Variants in MALRD1 observed in about 807,000 individuals in gnomAD.
The protein encoded by MALRD1 is MAM and LDL receptor class A domain containing 1.
Under a neutral mutation model 242.1 loss-of-function variants are expected in MALRD1, and 247 were observed. The observed-to-expected ratio is 1.02, with a 90% CI of 0.92 to 1.13. The LOEUF is 1.13. Among genes scored for constraint, MALRD1 ranks in the 50% most tolerant of loss-of-function variants. The pLI, the probability that MALRD1 is intolerant of heterozygous loss-of-function variation, is 0.00. For synonymous variants in MALRD1, 995 were observed against 866.6 expected (o/e 1.15, Z -2.60); for missense variants, 2,989 against 2,533.1 (o/e 1.18, Z -3.86).
At chr10:19,402,452 A>G (rs775981043) in intron 28 of MALRD1, among the ~76,000 whole-genome samples, 2 of 152,080 alleles carry the variant, frequency 1.3e-5, no homozygotes, top group African/African-American at 2.4e-5. Context: ...AAATCGGAGC[A>G]CAAGCTCTCC....
At chr10:19,446,081 C>A (rs181743461) in intron 28 of MALRD1, among the ~76,000 whole-genome samples, 1 of 152,116 alleles carries the variant, frequency 6.6e-6, no homozygotes, top group Non-Finnish European at 1.5e-5. Flanking sequence ...TGGGACCCTC[C>A]GAGCCAGGCG....
chr10:19,077,547 T>C (rs1331247721), intron 2 of MALRD1, among the ~76,000 whole-genome samples: 4 of 151,980 alleles, frequency 2.6e-5, no homozygotes, highest in African/African-American at 4.8e-5. Flanking sequence ...TGAATCATCA[T>C]GTTTAGAAAA....
At chr10:19,338,136 G>A (rs1013427825) in intron 24 of MALRD1, among the ~76,000 whole-genome samples, 7 of 151,544 alleles carry the variant, frequency 4.6e-5, no homozygotes, top group Non-Finnish European at 7.4e-5. Flanking sequence ...TACAAGAGTG[G>A]TACATTTTCT....
chr10:19,384,584 C>A (rs1845991489), intron 26 of MALRD1, among the ~76,000 whole-genome samples: 1 of 118,932 alleles, frequency 8.4e-6, no homozygotes, highest in South Asian at 2.3e-4. Flanking sequence ...ATAATATTTA[C>A]TATATATTAT....
intron 38 of MALRD1, 90 bp downstream of exon 38, chr10:19,692,644 A>G: frequency 1.0e-6 from 1 of 986,022 alleles, no homozygotes; most frequent in Non-Finnish European, 1.5e-6. Flanking sequence ...CTTTCACTCC[A>G]TATTACATGC....
At position 19,054,165 on chromosome 10, in the gene MALRD1, TGTAA is replaced by T. The variant is rs1413968532; in HGVS notation, c.199+5031_199+5034del. On this transcript the variant is annotated intron_variant, in intron 1 of 39. Transcript: ENST00000454679. Reference sequence around the variant, plus strand: ...CTTTTAAGTCATATTTTTAAAAAAGTGTAAGTGTTACATTGCTTCTGTGCTGACT... The same window carrying T: ...CTTTTAAGTCATATTTTTAAAAAAGTGTGTTACATTGCTTCTGTGCTGACT... Among the ~76,000 whole-genome samples, 13 of 152,284 alleles carry T rather than the reference TGTAA, an allele frequency of 8.5e-5. No individual in the cohort carries two copies. In the South Asian group the frequency reaches 1.7e-3, roughly 19 times the overall value.
intron 14 of MALRD1, among the ~76,000 whole-genome samples, chr10:19,203,151 G>T (rs1836623698): frequency 1.3e-5 from 2 of 151,172 alleles, no homozygotes; most frequent in East Asian, 2.0e-4. Flanking sequence ...ATATCTCTGT[G>T]GAATTTAACT....
intron 32 of MALRD1, among the ~76,000 whole-genome samples, chr10:19,564,115 C>T (rs188014322): frequency 6.6e-6 from 1 of 152,246 alleles, no homozygotes; most frequent in African/African-American, 2.4e-5. Context: ...AAGTTTTACC[C>T]AGTCTCAGGT....
intron 18 of MALRD1, among the ~76,000 whole-genome samples, chr10:19,238,552 G>GTA (rs1564492997): frequency 1.3e-5 from 1 of 77,184 alleles, no homozygotes; most frequent in Admixed American, 1.9e-4. Context: ...AATATATAAT[G>GTA]TATATTATAT....
At chr10:19,702,558 T>C (rs927916312) in intron 38 of MALRD1, among the ~76,000 whole-genome samples, 1 of 152,222 alleles carries the variant, frequency 6.6e-6, no homozygotes, top group Non-Finnish European at 1.5e-5. Context: ...AATATATGAT[T>C]GCCGAAGATT....
At chr10:19,290,991 C>T (rs1841394387) in intron 21 of MALRD1, among the ~76,000 whole-genome samples, 1 of 152,014 alleles carries the variant, frequency 6.6e-6, no homozygotes, top group Non-Finnish European at 1.5e-5. Flanking sequence ...TAGCCAAGCA[C>T]CGTAAGTTTT....
intron 11 of MALRD1, among the ~76,000 whole-genome samples, chr10:19,146,949 T>C (rs923782649): frequency 1.3e-5 from 2 of 152,234 alleles, no homozygotes; most frequent in Admixed American, 1.3e-4. Flanking sequence ...TTCTCTTTTT[T>C]CTTTTGTTTT....
chr10:19,720,883 A>G (rs1834715230), intron 38 of MALRD1, among the ~76,000 whole-genome samples: 1 of 152,212 alleles, frequency 6.6e-6, no homozygotes, highest in African/African-American at 2.4e-5. Context: ...TGAGAAAAGA[A>G]AGATGATACA....
At chr10:19,298,002 C>T (rs1324167353) in intron 21 of MALRD1, among the ~76,000 whole-genome samples, 5 of 151,878 alleles carry the variant, frequency 3.3e-5, no homozygotes, top group Non-Finnish European at 7.4e-5. Context: ...TGTCTTCATC[C>T]ATTTTGTGTT....
chr10:19,070,430 A>G (rs765253075), intron 2 of MALRD1, among the ~76,000 whole-genome samples: 2 of 152,174 alleles, frequency 1.3e-5, no homozygotes, highest in South Asian at 2.1e-4. Flanking sequence ...CTCTAAAGAT[A>G]TATCACTTTT....
At chr10:19,730,475 T>C (rs1835242599) in intron 38 of MALRD1, 1 of 567,562 alleles carries the variant, frequency 1.8e-6, no homozygotes. Context: ...TTTATTTGGA[T>C]CTAAACACTC....
intron 38 of MALRD1, among the ~76,000 whole-genome samples, chr10:19,726,141 A>G (rs572364211): frequency 6.6e-6 from 1 of 152,350 alleles, no homozygotes; most frequent in South Asian, 2.1e-4. Flanking sequence ...GCAACAAAAG[A>G]CATTATCAAG....
At chr10:19,718,407 A>C (rs1348538032) in intron 38 of MALRD1, among the ~76,000 whole-genome samples, 1 of 152,212 alleles carries the variant, frequency 6.6e-6, no homozygotes, top group East Asian at 1.9e-4. Flanking sequence ...GAGCAAGCAC[A>C]TCACGTAGCA....
chr10:19,207,836 G>A (rs1836855084), intron 17 of MALRD1, among the ~76,000 whole-genome samples: 2 of 152,162 alleles, frequency 1.3e-5, no homozygotes, highest in Admixed American at 6.6e-5. Context: ...GGCATTGTAA[G>A]AGATTAACAA....
Sources: allele counts gnomAD v4.1 joint callset (sites outside exome capture counted in the v4.1 genomes callset), GRCh38; gene constraint gnomAD v4.1.1; transcripts MANE v1.5; gene names NCBI Gene and HGNC (gene_info 2026-07-23, HGNC 2026-07-21).